The following MITF variants were observed in gnomAD, a reference collection of about 807,000 sequenced individuals.
MITF encodes microphthalmia-associated transcription factor.
A neutral mutation model predicts 60.5 loss-of-function variants in MITF; 17 were observed. The observed-to-expected ratio is 0.28, with a 90% CI of 0.19 to 0.42. The LOEUF is 0.42. MITF is among the 10% of genes least tolerant of loss of function. MITF has a pLI of 1.00. For synonymous variants in MITF, 260 were observed against 248.5 expected (o/e 1.05, Z -0.43); for missense variants, 622 against 683.5 (o/e 0.91, Z 1.00).
chr3:69,746,930 C>T (rs1246995379), intron 1 of MITF, among the ~76,000 whole-genome samples: 2 of 152,158 alleles, frequency 1.3e-5, no homozygotes, highest in African/African-American at 2.4e-5. Context: ...TTTCTCTAGC[C>T]CATTTCTACA....
intron 1 of MITF, among the ~76,000 whole-genome samples, chr3:69,867,906 G>A (rs1386790140): frequency 2.0e-5 from 3 of 152,120 alleles, no homozygotes; most frequent in African/African-American, 7.2e-5. Context: ...TCACAAACAC[G>A]TTTGACAAAA....
chr3:69,852,453 G>T (rs994692833), intron 1 of MITF, among the ~76,000 whole-genome samples: 3 of 152,010 alleles, frequency 2.0e-5, no homozygotes, highest in Non-Finnish European at 2.9e-5. Context: ...GGATTCTTTC[G>T]CTTAACATTA....
chr3:69,795,271 G>A (rs866113433), intron 1 of MITF, among the ~76,000 whole-genome samples: 26 of 152,158 alleles, frequency 1.7e-4, no homozygotes, highest in Middle Eastern at 3.4e-3. Flanking sequence ...TTTAATAGAT[G>A]CCATGAAACA....
chr3:69,779,115 C>T (rs969110250), intron 1 of MITF: 2 of 152,138 alleles, frequency 1.3e-5, no homozygotes, highest in Non-Finnish European at 2.9e-5. Flanking sequence ...ATAGTCTCAC[C>T]ACCTAATGTT....
chr3:69,882,058 T>G (rs2064501616), intron 2 of MITF, among the ~76,000 whole-genome samples: 1 of 152,222 alleles, frequency 6.6e-6, no homozygotes, highest in African/African-American at 2.4e-5. Context: ...GTTACCAACA[T>G]TCTGCTATCT....
intron 1 of MITF, among the ~76,000 whole-genome samples, chr3:69,866,673 G>A (rs2064121970): frequency 6.6e-6 from 1 of 152,118 alleles, no homozygotes; most frequent in Non-Finnish European, 1.5e-5. Flanking sequence ...CTGAGTTAGA[G>A]CAGAGCTTGA....
chr3:69,860,397 G>C (rs1451471196), intron 1 of MITF, among the ~76,000 whole-genome samples: 1 of 152,064 alleles, frequency 6.6e-6, no homozygotes, highest in Admixed American at 6.5e-5. Flanking sequence ...ACGAGGTCGG[G>C]AGATCGAGAC....
intron 1 of MITF, among the ~76,000 whole-genome samples, chr3:69,854,533 GT>G (rs2063882201): frequency 6.6e-6 from 1 of 152,100 alleles, no homozygotes; most frequent in Admixed American, 6.6e-5. Context: ...TTGTTGCATT[GT>G]TTTTATTTGT....
chr3:69,906,651 G>T (rs953523776), intron 2 of MITF, among the ~76,000 whole-genome samples: 1 of 152,070 alleles, frequency 6.6e-6, no homozygotes, highest in Non-Finnish European at 1.5e-5. Flanking sequence ...ATTTTACATG[G>T]TCTTTAATCC....
At chr3:69,773,159 A>G (rs2062419390) in intron 1 of MITF, among the ~76,000 whole-genome samples, 1 of 152,172 alleles carries the variant, frequency 6.6e-6, no homozygotes, top group Non-Finnish European at 1.5e-5. Flanking sequence ...GACAGAAGGA[A>G]GAGTAAGTAC....
intron 1 of MITF, among the ~76,000 whole-genome samples, chr3:69,812,376 C>G (rs114110144): frequency 6.6e-6 from 1 of 152,010 alleles, no homozygotes; most frequent in South Asian, 2.1e-4. Flanking sequence ...ATCTCGTATC[C>G]CCTCAGACAT....
At chr3:69,800,057 C>T (rs1435367172) in intron 1 of MITF, among the ~76,000 whole-genome samples, 2 of 152,030 alleles carry the variant, frequency 1.3e-5, no homozygotes, top group African/African-American at 4.8e-5. Context: ...TATCTAATTC[C>T]AAAACATTTC....
chr3:69,803,990 A>G (rs761216484), intron 1 of MITF, among the ~76,000 whole-genome samples: 18 of 152,150 alleles, frequency 1.2e-4, no homozygotes, highest in Non-Finnish European at 2.2e-4. Context: ...AGAAGAATCC[A>G]TGAAGCAAAT....
At chr3:69,748,413 G>A (rs960605742) in intron 1 of MITF, among the ~76,000 whole-genome samples, 1 of 152,060 alleles carries the variant, frequency 6.6e-6, no homozygotes, top group African/African-American at 2.4e-5. Flanking sequence ...CTAATTTTTT[G>A]TATTTTTAGT....
Position 69,826,131 on chromosome 3 carries a change from C to T in MITF, c.105-53003C>T, listed in dbSNP as rs80168788. ...ATGATTTATTGACAAACTGGACTCTCGTTAACCAGCCCTCAGGTAAACTAA... is the reference window on the plus strand; with the variant it reads ...ATGATTTATTGACAAACTGGACTCTTGTTAACCAGCCCTCAGGTAAACTAA... On this transcript the variant is annotated intron_variant, in intron 1 of 9. Transcript: ENST00000352241. Among the ~76,000 whole-genome samples the T allele has an allele frequency of 6.0e-3, 917 of 152,228 alleles. 4 individuals are homozygous for T. Among genetic ancestry groups the T allele is most frequent in the Non-Finnish European group, 0.01 (711 of 68,018 alleles).
At chr3:69,819,421 G>A (rs974414243) in intron 1 of MITF, among the ~76,000 whole-genome samples, 1 of 152,174 alleles carries the variant, frequency 6.6e-6, no homozygotes, top group African/African-American at 2.4e-5. Context: ...TGCATGTCTG[G>A]TTCTGGAAGC....
intron 1 of MITF, among the ~76,000 whole-genome samples, chr3:69,852,849 A>C (rs1575820525): frequency 1.3e-5 from 2 of 152,130 alleles, no homozygotes; most frequent in Admixed American, 6.5e-5. Flanking sequence ...CATTTTACTG[A>C]AGAATACGTA....
intron 9 of MITF, among the ~76,000 whole-genome samples, chr3:69,960,195 A>C (rs905866570): frequency 3.9e-5 from 6 of 152,200 alleles, no homozygotes; most frequent in African/African-American, 7.2e-5. Context: ...GAAGCAGTTG[A>C]TGGTCAAAAT....
intron 1 of MITF, among the ~76,000 whole-genome samples, chr3:69,758,396 C>G (rs1385613074): frequency 6.6e-6 from 1 of 151,784 alleles, no homozygotes; most frequent in African/African-American, 2.4e-5. Flanking sequence ...GTCTTGAATT[C>G]TTGGCCTCAA....
Sources: allele counts gnomAD v4.1 joint callset (sites outside exome capture counted in the v4.1 genomes callset), GRCh38; gene constraint gnomAD v4.1.1; transcripts MANE v1.5; gene names NCBI Gene and HGNC (gene_info 2026-07-23, HGNC 2026-07-21).